RAPGEF5: variants seen among roughly 807,000 people sequenced by gnomAD.
The protein encoded by RAPGEF5 is M-Ras-regulated GEF.
RAPGEF5 carries 65 observed loss-of-function variants against 125.2 expected under a neutral mutation model. That is an observed-to-expected ratio of 0.52 (90% CI 0.43 to 0.64). RAPGEF5 has a LOEUF of 0.64. Ranked by LOEUF, RAPGEF5 falls within the 30% of genes least tolerant of loss-of-function variation. The pLI, the probability that RAPGEF5 is intolerant of heterozygous loss-of-function variation, is 0.00. For missense variants in RAPGEF5, 958 were observed against 1,048.1 expected, an observed-to-expected ratio of 0.91 and a Z score of 1.19; for synonymous variants, 391 against 385.9, an observed-to-expected ratio of 1.01 and a Z score of -0.16.
At chr7:22,310,689 T>A (rs1319474934) in intron 3 of RAPGEF5, among the ~76,000 whole-genome samples, 1 of 152,182 alleles carries the variant, frequency 6.6e-6, no homozygotes, top group Non-Finnish European at 1.5e-5. Context: ...CAAACAAAGA[T>A]TGAACCCTAA....
At chr7:22,305,421 C>T (rs10268485) in intron 5 of RAPGEF5, among the ~76,000 whole-genome samples, 33,498 of 151,816 alleles carry the variant, frequency 0.22, 3,916 homozygotes, top group Non-Finnish European at 0.26. Context: ...CTTTTTTTAT[C>T]TTTCTGGGTA....
At chr7:22,333,086 G>A (rs1304448677) in intron 1 of RAPGEF5, among the ~76,000 whole-genome samples, 2 of 152,152 alleles carry the variant, frequency 1.3e-5, no homozygotes, top group Non-Finnish European at 2.9e-5. Flanking sequence ...ATGTGATACA[G>A]ATATATATTC....
At chr7:22,276,620 A>G (rs1782562216) in intron 6 of RAPGEF5, among the ~76,000 whole-genome samples, 1 of 152,214 alleles carries the variant, frequency 6.6e-6, no homozygotes, top group Non-Finnish European at 1.5e-5. Flanking sequence ...TCTACGCATA[A>G]AAACTGCTAA....
At chr7:22,352,173 A>T (rs1177014219) in intron 1 of RAPGEF5, among the ~76,000 whole-genome samples, 1 of 152,232 alleles carries the variant, frequency 6.6e-6, no homozygotes, top group African/African-American at 2.4e-5. Context: ...GGCTGCAGAA[A>T]ACATCACAGC....
At chr7:22,241,747 G>C (rs1184684191) in intron 7 of RAPGEF5, among the ~76,000 whole-genome samples, 1 of 152,124 alleles carries the variant, frequency 6.6e-6, no homozygotes, top group Non-Finnish European at 1.5e-5. Flanking sequence ...GGATGGGATG[G>C]TTTTCCTCGT....
chr7:22,194,449 T>C lies in RAPGEF5; in HGVS notation c.997-416A>G, dbSNP rs2128126391. The C allele has an allele frequency of 8.2e-6, 4 of 488,788 alleles. 1 individual carries two copies. In the South Asian group the frequency reaches 2.6e-4, roughly 32 times the overall value. The allele number at this position is 488,788 out of a possible 1,614,324, so 30.3% of individuals were successfully genotyped here. Reference sequence around the variant, plus strand: ...TCTATTAAAGTTGAATCATACAAAATATACATTATTGAAACATTAAGACAA... The same window carrying C: ...TCTATTAAAGTTGAATCATACAAAACATACATTATTGAAACATTAAGACAA... On this transcript the variant is annotated intron_variant, in intron 9 of 25. Coordinates refer to ENST00000665637, the MANE Select transcript of RAPGEF5 (RefSeq NM_012294.5).
At chr7:22,231,034 T>C in intron 7 of RAPGEF5, 115 bp from the exon 8 acceptor site, 1 of 955,734 alleles carries the variant, frequency 1.0e-6, no homozygotes, top group Non-Finnish European at 1.6e-6. Flanking sequence ...TCACAAAATG[T>C]AAACATTGGC....
intron 1 of RAPGEF5, among the ~76,000 whole-genome samples, chr7:22,352,674 T>C (rs914938578): frequency 6.6e-6 from 1 of 152,204 alleles, no homozygotes; most frequent in African/African-American, 2.4e-5. Flanking sequence ...AAAAACTCAC[T>C]GGTTCTCACT....
chr7:22,154,689 CT>C, intron 16 of RAPGEF5, 85 bp from the exon 17 acceptor site: 1 of 1,481,730 alleles, frequency 6.7e-7, no homozygotes, highest in South Asian at 1.3e-5. Context: ...CCTTGATCAA[CT>C]TTTCTAAATC....
At chr7:22,145,243 G>T in intron 19 of RAPGEF5, 21 bp from the exon 20 acceptor site, 2 of 1,592,168 alleles carry the variant, frequency 1.3e-6, no homozygotes, top group Non-Finnish European at 1.7e-6. Context: ...ATGTATTCAT[G>T]CCAGGGTTTA....
chr7:22,269,872 G>A (rs1362802064), intron 6 of RAPGEF5, among the ~76,000 whole-genome samples: 1 of 152,116 alleles, frequency 6.6e-6, no homozygotes. Flanking sequence ...CCTAGCTAAG[G>A]TGCTTCCCAA....
At chr7:22,154,132 T>A (rs1248264524) in intron 17 of RAPGEF5, among the ~76,000 whole-genome samples, 1 of 152,162 alleles carries the variant, frequency 6.6e-6, no homozygotes, top group Non-Finnish European at 1.5e-5. Flanking sequence ...CAAAGTAATT[T>A]CACTCTTTAG....
intron 1 of RAPGEF5, among the ~76,000 whole-genome samples, chr7:22,353,757 T>C (rs980896643): frequency 3.9e-5 from 6 of 151,980 alleles, no homozygotes; most frequent in African/African-American, 7.3e-5. Flanking sequence ...GTGCAAAGAG[T>C]CTTAACCAGT....
At chr7:22,309,281 T>C (rs1393915207) in intron 4 of RAPGEF5, among the ~76,000 whole-genome samples, 3 of 152,232 alleles carry the variant, frequency 2.0e-5, no homozygotes, top group African/African-American at 7.2e-5. Flanking sequence ...CTAAGAAGAT[T>C]ACACCCACGT....
intron 17 of RAPGEF5, among the ~76,000 whole-genome samples, chr7:22,154,115 TC>T (rs1783721593): frequency 6.6e-6 from 1 of 152,034 alleles, no homozygotes; most frequent in South Asian, 2.1e-4. Context: ...CTTTTTTTTT[TC>T]CACCCCAAAG....
At chr7:22,220,093 C>G (rs1562768426) in intron 8 of RAPGEF5, 102 bp from the exon 9 acceptor site, 1 of 1,389,484 alleles carries the variant, frequency 7.2e-7, no homozygotes, top group South Asian at 1.4e-5. Context: ...TTTTCCACTG[C>G]CTGGATTAAA....
chr7:22,130,672 A>G (rs1323635863), intron 24 of RAPGEF5, among the ~76,000 whole-genome samples: 1 of 152,164 alleles, frequency 6.6e-6, no homozygotes, highest in Middle Eastern at 3.2e-3. Flanking sequence ...GATGCCTATA[A>G]AGCAGTAAAA....
At chr7:22,257,100 G>C (rs1463752863) in intron 7 of RAPGEF5, among the ~76,000 whole-genome samples, 1 of 152,120 alleles carries the variant, frequency 6.6e-6, no homozygotes, top group East Asian at 1.9e-4. Flanking sequence ...ATAACCTCTT[G>C]CAGTTAGACA....
rs1395926856 is a variant in RAPGEF5 at position 22,120,719 on chromosome 7, C to T, written c.*1687G>A. 6.6e-6 allele frequency: 1 copy of T among 152,252 alleles called. No homozygotes were observed. Among genetic ancestry groups the T allele is most frequent in the Non-Finnish European group, 1.5e-5 (1 of 68,040 alleles). 9.4% of individuals were successfully genotyped at this position (152,252 alleles called of 1,614,324 possible). ...CCCTGGAGGATGCCCTTCTATAAAA[C>T]CCTATAAATGTTCAGGACTGAAGTT... On this transcript the variant is annotated 3_prime_UTR_variant, in exon 26 of 26. Coordinates refer to ENST00000665637, the MANE Select transcript of RAPGEF5 (RefSeq NM_012294.5). This position sits in a 1 kb window ranked among gnomAD's most constrained non-coding sequence, Gnocchi z 4.0.
Sources: gnomAD v4.1 joint callset for allele counts (sites outside exome capture counted in the v4.1 genomes callset) on GRCh38, gnomAD v4.1.1 for gene constraint, Gnocchi (gnomAD v3.1) non-coding constraint, MANE v1.5 for transcripts, NCBI Gene and HGNC (gene_info 2026-07-23, HGNC 2026-07-21) for gene names.